The following SPTA1 variants were observed in gnomAD, a reference collection of about 807,000 sequenced individuals.
SPTA1 encodes spectrin alpha, erythrocytic 1.
Under a neutral mutation model 324.7 loss-of-function variants are expected in SPTA1, and 177 were observed. That is an observed-to-expected ratio of 0.55 (90% CI 0.48 to 0.62). The LOEUF is 0.62. SPTA1 is among the 20% of genes least tolerant of loss of function. SPTA1 has a pLI of 0.00. For synonymous variants in SPTA1, 1,195 were observed against 1,041.3 expected (o/e 1.15, Z -2.84); for missense variants, 3,162 against 2,883.6 (o/e 1.10, Z -2.21).
chr1:158,656,194 A>G (rs1652810751), intron 20 of SPTA1, among the ~76,000 whole-genome samples: 1 of 152,190 alleles, frequency 6.6e-6, no homozygotes, highest in African/African-American at 2.4e-5. Flanking sequence ...CATATAGTAG[A>G]CATTTAATAA....
intron 47 of SPTA1, among the ~76,000 whole-genome samples, chr1:158,617,284 C>T (rs1260810194): frequency 6.6e-6 from 1 of 152,196 alleles, no homozygotes; most frequent in African/African-American, 2.4e-5. Context: ...AGATCAGAGT[C>T]TCCCATGAAA....
intron 46 of SPTA1, among the ~76,000 whole-genome samples, 166 bp downstream of exon 46, chr1:158,617,873 T>C (rs77071552): frequency 8.9e-4 from 135 of 152,306 alleles, no homozygotes; most frequent in African/African-American, 3.0e-3. Flanking sequence ...TAGTGAAGTA[T>C]AAGGGCAGAA....
At chr1:158,668,214 A>T (rs1322626877) in intron 14 of SPTA1, 152 bp from the exon 15 acceptor site, 1 of 883,604 alleles carries the variant, frequency 1.1e-6, no homozygotes, top group East Asian at 2.6e-5. Flanking sequence ...ACGTTTGAGA[A>T]ATTCATGCAA....
chr1:158,627,423 G>A (rs1438401781), intron 40 of SPTA1, among the ~76,000 whole-genome samples: 1 of 152,082 alleles, frequency 6.6e-6, no homozygotes, highest in Non-Finnish European at 1.5e-5. Context: ...GTATGTATAA[G>A]AACTTGAAAA....
chr1:158,612,643 A>T, intron 51 of SPTA1, 174 bp downstream of exon 51: 1 of 676,284 alleles, frequency 1.5e-6, no homozygotes, highest in Non-Finnish European at 2.6e-6. Flanking sequence ...TACGTTTTTG[A>T]GTTGGGTCAA....
intron 12 of SPTA1, among the ~76,000 whole-genome samples, chr1:158,670,953 A>G (rs548258846): frequency 2.6e-5 from 4 of 152,186 alleles, no homozygotes; most frequent in African/African-American, 7.2e-5. Flanking sequence ...ATTTACACTG[A>G]AGAAAATATA....
chr1:158,626,959 C>A lies in SPTA1; in HGVS notation c.5713G>T (p.Ala1905Ser). 6.2e-7 allele frequency: 1 copy of A among 1,613,892 alleles called. No homozygotes were observed. Among genetic ancestry groups the A allele is most frequent in the Non-Finnish European group, 8.5e-7 (1 of 1,179,834 alleles). Reference sequence around the variant, plus strand: ...AGAGAAGGGGTCTTTTCATTCAGAGCCTCTATCTTGGAAGAAATCTCTTTG... The same window carrying A: ...AGAGAAGGGGTCTTTTCATTCAGAGACTCTATCTTGGAAGAAATCTCTTTG... Reference protein sequence around the residue: ...QNKEISSKIEALNEKTPSLAK... With the variant: ...QNKEISSKIESLNEKTPSLAK... The change falls in exon 41 of 52, where the codon GCT becomes TCT. Residue 1905 changes from alanine to serine, a missense_variant. Ala to Ser is a moderately conservative substitution (Grantham distance 99). Coordinates refer to ENST00000643759, the MANE Select transcript of SPTA1 (RefSeq NM_003126.4).
At chr1:158,626,506 T>C (rs1468009479) in intron 41 of SPTA1, among the ~76,000 whole-genome samples, 4 of 152,104 alleles carry the variant, frequency 2.6e-5, no homozygotes, top group Non-Finnish European at 5.9e-5. Context: ...CTAACAAACA[T>C]TTTAGATTGT....
rs777450022 is a variant in SPTA1, at chr1:158,623,010, C to T, written c.6093G>A (p.Leu2031=). The T allele has an allele frequency of 6.2e-7, 1 of 1,614,184 alleles. No homozygotes were observed. Among genetic ancestry groups the T allele is most frequent in the African/African-American group, 1.3e-5 (1 of 75,054 alleles). ...TCTGTAGAGGCAGCTGTTTCTCCAG[C>T]AATTTCTGTCTGTGGACTGCCGAGG... The part of the protein sequence containing the change: ...LEASAVHRQK[L]LEKQLPLQKA... Residue 2031 remains leucine, a synonymous_variant, in exon 43 of 52, where the codon TTG becomes TTA. Transcript: ENST00000643759.
chr1:158,661,009 C>A (rs1315294695), intron 18 of SPTA1, among the ~76,000 whole-genome samples: 1 of 152,182 alleles, frequency 6.6e-6, no homozygotes, highest in East Asian at 1.9e-4. Flanking sequence ...AATTCTGGAA[C>A]TTCTACAGAG....
At chr1:158,632,520 GA>G (rs1332418777) in intron 39 of SPTA1, among the ~76,000 whole-genome samples, 3 of 151,972 alleles carry the variant, frequency 2.0e-5, no homozygotes, top group Non-Finnish European at 4.4e-5. Flanking sequence ...TTTCACTGAG[GA>G]AAAATACAGA....
rs1444851147 is a variant in SPTA1, at chr1:158,669,447, G to C, written c.1794C>G (p.Ile598Met). ...YEDSDDLKNW[I>M]NKKKKLADDE... ...CATCTGCCAACTTTTTCTTCTTGTT[G>C]ATCCAGTTCTTTAGGTCATCTGAGT... is the stretch of plus-strand genomic sequence containing the variant. Residue 598 changes from isoleucine to methionine, a missense_variant, in exon 14 of 52, where the codon ATC (isoleucine) becomes ATG (methionine). Coordinates refer to ENST00000643759, the MANE Select transcript of SPTA1 (RefSeq NM_003126.4). 1 of 1,614,106 alleles carries C rather than the reference G, an allele frequency of 6.2e-7. No homozygotes were observed. Among genetic ancestry groups the C allele is most frequent in the South Asian group, 1.1e-5 (1 of 91,078 alleles).
rs55832242 is a variant in SPTA1 at position 158,611,131 on chromosome 1, GCACACACACACACA to G, written c.*119_*132del. On this transcript the variant is annotated 3_prime_UTR_variant, in exon 52 of 52. Coordinates refer to ENST00000643759, the MANE Select transcript of SPTA1 (RefSeq NM_003126.4). ...AAATGTAATATGCACACAAACACAA[GCACACACACACACA>G]CACACACACACACACACACACGAGG... 5 of 670,346 alleles carry G rather than the reference GCACACACACACACA, an allele frequency of 7.5e-6. No individual in the cohort carries two copies. The highest frequency in any genetic ancestry group is 3.2e-5 in the East Asian group (1 of 30,890). The allele number at this position is 670,346 out of a possible 1,614,324, so 41.5% of individuals were successfully genotyped here. A position where few individuals can be genotyped will look rare whatever the true frequency, so the allele number is the denominator to read the frequency against.
chr1:158,644,425 G>T (rs778625974), intron 29 of SPTA1, 29 bp from the exon 30 acceptor site: 52 of 1,613,280 alleles, frequency 3.2e-5, no homozygotes, highest in Non-Finnish European at 4.2e-5. Flanking sequence ...GAGGGGTATG[G>T]TATAGTCCAT....
At chr1:158,633,808 A>T (rs1464140831) in intron 39 of SPTA1, among the ~76,000 whole-genome samples, 2 of 152,138 alleles carry the variant, frequency 1.3e-5, no homozygotes, top group African/African-American at 2.4e-5. Context: ...TACAAATAAG[A>T]TGAGCTGATA....
At chr1:158,628,396 TC>T (rs1236708090) in intron 39 of SPTA1, among the ~76,000 whole-genome samples, 1 of 152,146 alleles carries the variant, frequency 6.6e-6, no homozygotes. Flanking sequence ...TCAATTTTTT[TC>T]CTATACAACA....
At position 158,683,363 on chromosome 1, in the gene SPTA1, A is replaced by C; in HGVS notation, c.390+8T>G. 6.2e-7 allele frequency: 1 copy of C among 1,613,130 alleles called. No individual in the cohort carries two copies. Among genetic ancestry groups the C allele is most frequent in the Non-Finnish European group, 8.5e-7 (1 of 1,179,278 alleles). On this transcript the variant is annotated splice_region_variant and intron_variant, in intron 3 of 51. Coordinates refer to ENST00000643759, the MANE Select transcript of SPTA1 (RefSeq NM_003126.4). The stretch of plus-strand genomic sequence containing the variant: ...ATTGGAAACTTCTTCAAGGGCCCAT[A>C]CATATACCTTCGTTTCTTCGTGGGC...
chr1:158,630,833 T>C (rs897915972), intron 39 of SPTA1, among the ~76,000 whole-genome samples: 14 of 151,922 alleles, frequency 9.2e-5, no homozygotes, highest in Admixed American at 3.3e-4. Flanking sequence ...AAAAAACCCC[T>C]AATAACTTGA....
intron 7 of SPTA1, 140 bp downstream of exon 7, chr1:158,677,550 C>A: frequency 1.1e-6 from 1 of 936,462 alleles, no homozygotes; most frequent in South Asian, 1.4e-5. Flanking sequence ...AATGAAGAAG[C>A]GTATTCAAGT....
Sources: allele counts gnomAD v4.1 joint callset (sites outside exome capture counted in the v4.1 genomes callset), GRCh38; gene constraint gnomAD v4.1.1; transcripts MANE v1.5; gene names NCBI Gene and HGNC (gene_info 2026-07-23, HGNC 2026-07-21).